The following SLC35D1 variants were observed in gnomAD, a reference collection of about 807,000 sequenced individuals.
The protein encoded by SLC35D1 is nucleotide sugar transporter SLC35D1.
SLC35D1 carries 31 observed loss-of-function variants against 46.7 expected under a neutral mutation model. The observed-to-expected ratio is 0.66, with a 90% CI of 0.50 to 0.90. The LOEUF is 0.90. SLC35D1 is among the 40% of genes least tolerant of loss of function. The probability of loss-of-function intolerance (pLI) is 0.00; values close to 1 mark genes in which losing one functional copy is unlikely to be tolerated. For synonymous variants in SLC35D1, 195 were observed against 164.6 expected (o/e 1.18, Z -1.41); for missense variants, 397 against 426.2 (o/e 0.93, Z 0.60).
At chr1:67,004,560 C>G (rs1667408016) in intron 11 of SLC35D1, 112 bp from the exon 12 acceptor site, 1 of 827,348 alleles carries the variant, frequency 1.2e-6, no homozygotes, top group African/African-American at 1.7e-5. Context: ...TAAAGTTTCA[C>G]AGTGGGGAAA....
At chr1:67,007,916 T>TA (rs1667484060) in intron 11 of SLC35D1, among the ~76,000 whole-genome samples, 1 of 152,184 alleles carries the variant, frequency 6.6e-6, no homozygotes, top group Non-Finnish European at 1.5e-5. Flanking sequence ...AGTTGATACC[T>TA]TCTAGTACTA....
intron 11 of SLC35D1, among the ~76,000 whole-genome samples, chr1:67,006,464 C>T (rs1667449472): frequency 6.8e-6 from 1 of 146,854 alleles, no homozygotes; most frequent in African/African-American, 2.4e-5. Context: ...TTCTTTCATC[C>T]TACCTTCCTC....
chr1:67,046,449 A>G (rs1645251857), intron 7 of SLC35D1, among the ~76,000 whole-genome samples: 1 of 151,954 alleles, frequency 6.6e-6, no homozygotes, highest in African/African-American at 2.4e-5. Flanking sequence ...AATAAGATAA[A>G]GTCATGGTCA....
chr1:67,032,863 G>C (rs540642956), intron 8 of SLC35D1, among the ~76,000 whole-genome samples: 3 of 151,894 alleles, frequency 2.0e-5, no homozygotes, highest in Admixed American at 6.6e-5. Flanking sequence ...ACCATTTTTT[G>C]TATCTCTTAA....
chr1:67,033,528 CTTT>C (rs982166261), intron 8 of SLC35D1, among the ~76,000 whole-genome samples: 37 of 152,296 alleles, frequency 2.4e-4, no homozygotes, highest in African/African-American at 7.5e-4. Context: ...TGTATGTCTT[CTTT>C]TGAGAAATGT....
At chr1:67,045,124 A>G (rs1645238502) in intron 7 of SLC35D1, among the ~76,000 whole-genome samples, 1 of 152,182 alleles carries the variant, frequency 6.6e-6, no homozygotes, top group Admixed American at 6.5e-5. Flanking sequence ...ATATGCATGG[A>G]GGCACACATA....
At chr1:67,035,597 G>A (rs769618788) in intron 8 of SLC35D1, among the ~76,000 whole-genome samples, 2 of 150,978 alleles carry the variant, frequency 1.3e-5, no homozygotes, top group Non-Finnish European at 3.0e-5. Flanking sequence ...TTCTTAGTCT[G>A]GCTAAAGGTT....
the SLC35D1 span, among the ~76,000 whole-genome samples, chr1:66,993,215 G>C: frequency 6.6e-6 from 1 of 152,184 alleles, no homozygotes. Flanking sequence ...TCATTCTCTA[G>C]AAAGACATCA....
At chr1:66,989,669 T>C in the SLC35D1 span, among the ~76,000 whole-genome samples, 1 of 152,182 alleles carries the variant, frequency 6.6e-6, no homozygotes, top group Non-Finnish European at 1.5e-5. Flanking sequence ...CTCACTATGT[T>C]GCCCCGGCCA....
rs149117184 is a variant in SLC35D1, at chr1:67,020,429, G to T, written c.816C>A (p.Ala272=). ...SCVMGFILMY[A]TVLCTQYNSA... is the part of the protein sequence containing the mutation. The stretch of plus-strand genomic sequence containing the variant: ...AATTATACTGCGTGCAGAGTACTGT[G>T]GCGTACATTAAGATAAACCTAGAAT... The change falls in exon 10 of 12, where the codon GCC becomes GCA. Residue 272 remains alanine (A), a synonymous_variant. Transcript: ENST00000235345. 57 of 1,609,280 alleles carry T rather than the reference G, an allele frequency of 3.5e-5. No individual in the cohort carries two copies. In the East Asian group the frequency reaches 1.1e-3, roughly 31 times the overall value.
At chr1:67,029,543 T>C (rs543497972) in intron 8 of SLC35D1, among the ~76,000 whole-genome samples, 1 of 152,360 alleles carries the variant, frequency 6.6e-6, no homozygotes, top group Non-Finnish European at 1.5e-5. Context: ...GTGTCACATG[T>C]CATTTCTGCA....
chr1:66,988,984 C>T, the SLC35D1 span, among the ~76,000 whole-genome samples: 2 of 152,132 alleles, frequency 1.3e-5, no homozygotes, highest in African/African-American at 4.8e-5. Flanking sequence ...ATGAGTTTAC[C>T]TTCCTCTTTG....
In SLC35D1 at chr1:67,001,652, A is replaced by G. The variant is rs1667342884; in HGVS notation, c.*2688T>C. On this transcript the variant is annotated 3_prime_UTR_variant, in exon 12 of 12. Transcript: ENST00000235345. ...AATTTCTGCCTAGTAAATATCAAACATGGGGCAAAAACCAGACTTTCTGGG... is the reference window on the plus strand; with the variant it reads ...AATTTCTGCCTAGTAAATATCAAACGTGGGGCAAAAACCAGACTTTCTGGG... 6.6e-6 allele frequency: 1 copy of G among 152,376 alleles called. No homozygotes were observed. Among genetic ancestry groups the G allele is most frequent in the African/African-American group, 2.4e-5 (1 of 41,470 alleles). The allele number at this position is 152,376 out of a possible 1,614,324, so 9.4% of individuals were successfully genotyped here.
intron 1 of SLC35D1, 29 bp downstream of exon 1, chr1:67,053,782 G>A (rs1413738765): frequency 6.5e-7 from 1 of 1,533,028 alleles, no homozygotes; most frequent in South Asian, 1.2e-5. Flanking sequence ...CCTCCTCCGC[G>A]GCCTGGGCCG....
chr1:67,027,675 T>C (rs950679374), intron 8 of SLC35D1, among the ~76,000 whole-genome samples: 12 of 152,188 alleles, frequency 7.9e-5, no homozygotes, highest in African/African-American at 2.9e-4. Context: ...TTTATGGGTT[T>C]CCCTCTATAT....
chr1:67,047,267 T>G lies in SLC35D1; in HGVS notation c.634A>C (p.Lys212Gln). ...TAAAGCTTTAGATTGCTACTTACTT[T>G]TGAATCTAATTTTTGTTTTACGTAT... ...GAYVKQKLDS[K>Q]ELGKYGLLYY... The change falls in exon 7 of 12, where the codon AAA becomes CAA. Residue 212 changes from lysine (K) to glutamine (Q), a missense_variant and splice_region_variant. Transcript: ENST00000235345. 1.2e-6 allele frequency: 2 copies of G among 1,610,630 alleles called. No individual in the cohort carries two copies. Among genetic ancestry groups the G allele is most frequent in the Non-Finnish European group, 8.5e-7 (1 of 1,177,700 alleles).
At chr1:66,984,102 C>T in the SLC35D1 span, among the ~76,000 whole-genome samples, 13 of 152,330 alleles carry the variant, frequency 8.5e-5, no homozygotes, top group South Asian at 1.9e-3. Context: ...TTTTATATGG[C>T]AGTTTACTCA....
chr1:66,977,931 G>A, the SLC35D1 span, among the ~76,000 whole-genome samples: 2 of 152,020 alleles, frequency 1.3e-5, no homozygotes, highest in Non-Finnish European at 2.9e-5. Context: ...AGGTGCGGTG[G>A]CTCACTCCTG....
chr1:67,006,996 A>G (rs977366117), intron 11 of SLC35D1, among the ~76,000 whole-genome samples: 10 of 152,172 alleles, frequency 6.6e-5, no homozygotes, highest in African/African-American at 1.9e-4. Context: ...GTATTCATCA[A>G]ATAAGAATAA....
Sources: allele counts gnomAD v4.1 joint callset (sites outside exome capture counted in the v4.1 genomes callset), GRCh38; gene constraint gnomAD v4.1.1; transcripts MANE v1.5; gene names NCBI Gene and HGNC (gene_info 2026-07-23, HGNC 2026-07-21).